ACSF3: variants seen among roughly 807,000 people sequenced by gnomAD.
ACSF3 encodes the protein malonate--CoA ligase ACSF3, mitochondrial.
ACSF3 carries 78 observed loss-of-function variants against 53.2 expected under a neutral mutation model. That is an observed-to-expected ratio of 1.47 (90% CI 1.22 to 1.77). The LOEUF is 1.77. Ranked by LOEUF, ACSF3 falls within the 40% of genes most tolerant of loss-of-function variation. The probability of loss-of-function intolerance (pLI) is 0.00; values close to 1 mark genes in which losing one functional copy is unlikely to be tolerated. For missense variants in ACSF3, 937 were observed against 771.1 expected, an observed-to-expected ratio of 1.22 and a Z score of -2.55; for synonymous variants, 414 against 333.1, an observed-to-expected ratio of 1.24 and a Z score of -2.65.
chr16:89,119,577 T>C (rs1420621924), intron 6 of ACSF3, among the ~76,000 whole-genome samples: 2 of 151,314 alleles, frequency 1.3e-5, no homozygotes, highest in African/African-American at 4.9e-5. Flanking sequence ...AAGCAAAACA[T>C]AAAGGAGGAG....
At chr16:89,141,119 C>T (rs775619768) in intron 8 of ACSF3, 39 of 1,287,116 alleles carry the variant, frequency 3.0e-5, no homozygotes, top group Non-Finnish European at 3.5e-5. Context: ...CCCTCGCTGC[C>T]GCAGGACCTC....
intron 8 of ACSF3, among the ~76,000 whole-genome samples, chr16:89,139,919 G>T (rs911485667): frequency 1.1e-4 from 17 of 152,094 alleles, no homozygotes; most frequent in Non-Finnish European, 2.1e-4. Context: ...AACGTACAGG[G>T]TGTCCTCTGT....
intron 9 of ACSF3, among the ~76,000 whole-genome samples, chr16:89,145,736 A>G (rs924362351): frequency 4.6e-5 from 7 of 152,200 alleles, no homozygotes; most frequent in African/African-American, 1.4e-4. Flanking sequence ...CCCAGTCCCC[A>G]GATCCACCGT....
chr16:89,141,603 C>T (rs1030838623), intron 8 of ACSF3, among the ~76,000 whole-genome samples: 1 of 152,230 alleles, frequency 6.6e-6, no homozygotes, highest in Non-Finnish European at 1.5e-5. Context: ...CGGGCAAAGG[C>T]ATCCAGGCCC....
chr16:89,101,478 G>A (rs1169408698), intron 3 of ACSF3, 131 bp downstream of exon 3: 52 of 1,517,356 alleles, frequency 3.4e-5, no homozygotes, highest in African/African-American at 4.1e-5. Context: ...CTGCAGACCC[G>A]TGTGAGATAC....
intron 10 of ACSF3, among the ~76,000 whole-genome samples, chr16:89,147,226 AGAGT>A (rs1444010217): frequency 1.3e-5 from 1 of 74,230 alleles, no homozygotes; most frequent in Non-Finnish European, 2.5e-5. Flanking sequence ...GAGGGTCCAC[AGAGT>A]GAGTGAGGGA....
intron 4 of ACSF3, among the ~76,000 whole-genome samples, chr16:89,111,612 A>G (rs1269508183): frequency 1.3e-5 from 2 of 152,258 alleles, no homozygotes; most frequent in African/African-American, 4.8e-5. Context: ...GGAACTTAAA[A>G]CGTATTTATA....
In ACSF3 at chr16:89,133,241, C is replaced by T. The variant is rs2151521187; in HGVS notation, c.1345C>T (p.Leu449=). The T allele has an allele frequency of 6.2e-7, 1 of 1,614,112 alleles. No individual in the cohort carries two copies. Among genetic ancestry groups the T allele is most frequent in the Admixed American group, 1.7e-5 (1 of 60,030 alleles). ...AGAAGAAACTAAGAGTGCATTCACC[C>T]TGGATGGCTGGTTTAAGACAGGTAG... The part of the protein sequence containing the change: ...KPEETKSAFT[L]DGWFKTGDTV... The change falls in exon 8 of 11, where the codon CTG becomes TTG. Residue 449 remains leucine, a synonymous_variant. Transcript: ENST00000614302.
At position 89,145,998 on chromosome 16, in the gene ACSF3, C is replaced by G. The variant is rs201022212; in HGVS notation, c.1562C>G (p.Thr521Ser). ...GGCCAGCGGGTCACTGCTGTGGTGACCCTCCGAGAAGGACACTCACTGTCC... is the reference window on the plus strand; with the variant it reads ...GGCCAGCGGGTCACTGCTGTGGTGAGCCTCCGAGAAGGACACTCACTGTCC... ...TWGQRVTAVV[T>S]LREGHSLSHR... is the part of the protein sequence containing the mutation. The change falls in exon 10 of 11, where the codon ACC (threonine) becomes AGC (serine). Residue 521 changes from threonine (T) to serine (S), a missense_variant. Coordinates refer to ENST00000614302, the MANE Select transcript of ACSF3 (RefSeq NM_001243279.3). 244 of 1,613,922 alleles carry G rather than the reference C, an allele frequency of 1.5e-4. 2 individuals carry two copies. In the East Asian group the frequency reaches 4.5e-3, roughly 29 times the overall value.
Position 89,154,319 on chromosome 16 carries a change from A to C in ACSF3, c.*112A>C. 12 of 960,540 alleles carry C rather than the reference A, an allele frequency of 1.2e-5. No individual in the cohort carries two copies. The highest frequency in any genetic ancestry group is 1.6e-5 in the Non-Finnish European group (10 of 615,364). 59.5% of individuals were successfully genotyped at this position (960,540 alleles called of 1,614,324 possible). A position where few individuals can be genotyped will look rare whatever the true frequency, so the allele number is the denominator to read the frequency against. On this transcript the variant is annotated 3_prime_UTR_variant, in exon 11 of 11. Transcript: ENST00000614302. ...CCTCCCTTAAACCTGAACCCCCCAA[A>C]TCAGGTCACGTAGAATCAAGAACTG...
chr16:89,134,646 C>T (rs1464727201), intron 8 of ACSF3, among the ~76,000 whole-genome samples: 1 of 152,196 alleles, frequency 6.6e-6, no homozygotes, highest in African/African-American at 2.4e-5. Context: ...CAGCCGTTGC[C>T]AGGTTTATAT....
rs375555298 is a variant in ACSF3, at chr16:89,102,590, C to G, written c.667-14C>G. On this transcript the variant is annotated splice_polypyrimidine_tract_variant and intron_variant, in intron 3 of 10. Transcript: ENST00000614302. ...TCTTGCTCTTGCTCTCAGCTGTGCT[C>G]TCGTCCCCTGCAGGTGACCGGGCTG... 2 of 1,613,304 alleles carry G rather than the reference C, an allele frequency of 1.2e-6. No individual in the cohort carries two copies. Among genetic ancestry groups the G allele is most frequent in the Non-Finnish European group, 1.7e-6 (2 of 1,180,028 alleles).
intron 10 of ACSF3, chr16:89,150,651 C>T: frequency 3.8e-6 from 1 of 262,660 alleles, no homozygotes; most frequent in Non-Finnish European, 7.5e-6. Context: ...CACTTGAGGG[C>T]CCGCTGAGGA....
intron 4 of ACSF3, among the ~76,000 whole-genome samples, chr16:89,104,200 C>T (rs565524755): frequency 3.1e-4 from 47 of 152,168 alleles, no homozygotes; most frequent in Non-Finnish European, 5.3e-4. Flanking sequence ...CAGCCTCTGC[C>T]CGTATAATGA....
intron 7 of ACSF3, among the ~76,000 whole-genome samples, chr16:89,127,046 C>T (rs1287453778): frequency 6.6e-6 from 1 of 152,220 alleles, no homozygotes; most frequent in East Asian, 1.9e-4. Flanking sequence ...TTGAACCAAG[C>T]TTTCATTCCC....
chr16:89,104,111 A>C (rs536382848), intron 4 of ACSF3, among the ~76,000 whole-genome samples: 9 of 152,160 alleles, frequency 5.9e-5, no homozygotes, highest in Non-Finnish European at 1.0e-4. Context: ...GCAGGCCTTG[A>C]GCCCACAGGA....
intron 10 of ACSF3, chr16:89,152,869 T>A (rs893587272): frequency 6.6e-6 from 1 of 151,988 alleles, no homozygotes; most frequent in African/African-American, 2.4e-5. Context: ...AACAGTGAGA[T>A]CCTGTCCTAG....
intron 8 of ACSF3, among the ~76,000 whole-genome samples, chr16:89,134,360 G>A (rs549185157): frequency 3.9e-5 from 6 of 152,348 alleles, no homozygotes; most frequent in South Asian, 2.1e-4. Flanking sequence ...TAGGATGAAC[G>A]TGGGTGCTTA....
At chr16:89,143,064 C>G (rs1208758421) in intron 8 of ACSF3, among the ~76,000 whole-genome samples, 1 of 151,914 alleles carries the variant, frequency 6.6e-6, no homozygotes, top group African/African-American at 2.4e-5. Context: ...CTCCATAAAC[C>G]AAAAAGCAAC....
Sources: gnomAD v4.1 joint callset for allele counts (sites outside exome capture counted in the v4.1 genomes callset) on GRCh38, gnomAD v4.1.1 for gene constraint, MANE v1.5 for transcripts, NCBI Gene and HGNC (gene_info 2026-07-23, HGNC 2026-07-21) for gene names.